FUT8: variants seen among roughly 807,000 people sequenced by gnomAD.
FUT8 encodes alpha-(1,6)-fucosyltransferase.
Under a neutral mutation model 71.3 loss-of-function variants are expected in FUT8, and 29 were observed. The observed-to-expected ratio is 0.41, with a 90% CI of 0.30 to 0.55. The LOEUF (loss-of-function observed/expected upper bound fraction) is 0.55, where lower values mean the gene tolerates loss of function less well. FUT8 is among the 20% of genes least tolerant of loss of function. FUT8 has a pLI of 0.34. For synonymous variants in FUT8, 254 were observed against 239.3 expected (o/e 1.06, Z -0.57); for missense variants, 544 against 702.1 (o/e 0.77, Z 2.55).
intron 7 of FUT8, among the ~76,000 whole-genome samples, chr14:65,692,367 C>A (rs1893673756): frequency 6.8e-6 from 1 of 147,306 alleles, no homozygotes. Context: ...GCTGACCCCC[C>A]CACCTCCCTC....
At chr14:65,400,582 G>T in the FUT8 span, among the ~76,000 whole-genome samples, 1 of 152,170 alleles carries the variant, frequency 6.6e-6, no homozygotes, top group East Asian at 1.9e-4. Context: ...CTGGAGATTA[G>T]CTTTCCAAAT....
intron 2 of FUT8, among the ~76,000 whole-genome samples, chr14:65,478,939 G>A (rs1021897082): frequency 6.6e-6 from 1 of 152,178 alleles, no homozygotes; most frequent in Non-Finnish European, 1.5e-5. Context: ...TCTGTTAATT[G>A]ATTGTATGAA....
chr14:65,499,027 C>G lies in FUT8; in HGVS notation c.-228+43309C>G, dbSNP rs149158362. ...GGAGGCATTGGGTAAGAACGTGTCT[C>G]CCAACATAGGATTTCAGTTACTTCC... On this transcript the variant is annotated intron_variant, in intron 2 of 10. Transcript: ENST00000673929. 1.2e-4 allele frequency among the ~76,000 whole-genome samples: 18 copies of G among 152,218 alleles called. No individual in the cohort carries two copies. In the Middle Eastern group the frequency reaches 0.01, roughly 86 times the overall value.
intron 6 of FUT8, among the ~76,000 whole-genome samples, chr14:65,645,579 G>A (rs1042589783): frequency 3.9e-5 from 6 of 152,154 alleles, no homozygotes; most frequent in African/African-American, 1.4e-4. Flanking sequence ...CATATTTGTA[G>A]TACTGCTGTA....
intron 2 of FUT8, among the ~76,000 whole-genome samples, chr14:65,558,624 ATT>A (rs1278397371): frequency 2.0e-5 from 3 of 152,184 alleles, no homozygotes; most frequent in Admixed American, 1.3e-4. Flanking sequence ...TGGCGTTTGT[ATT>A]TTAGCAAGCA....
At chr14:65,577,662 T>C (rs1000549063) in intron 3 of FUT8, among the ~76,000 whole-genome samples, 3 of 152,134 alleles carry the variant, frequency 2.0e-5, no homozygotes, top group Admixed American at 2.0e-4. Context: ...ATGAGATAAT[T>C]TGGAAAACTT....
chr14:65,565,459 A>G (rs2140058912), intron 3 of FUT8, among the ~76,000 whole-genome samples: 1 of 151,972 alleles, frequency 6.6e-6, no homozygotes, highest in East Asian at 1.9e-4. Context: ...GAACAAAGTC[A>G]CTATTAACCT....
intron 3 of FUT8, among the ~76,000 whole-genome samples, chr14:65,586,468 T>C (rs990638205): frequency 6.6e-6 from 1 of 152,208 alleles, no homozygotes; most frequent in Non-Finnish European, 1.5e-5. Context: ...AAAGATAAAT[T>C]GATAAAATTG....
chr14:65,616,074 C>T lies in FUT8; in HGVS notation c.300C>T (p.Tyr100=), dbSNP rs771271627. Reference sequence around the variant, plus strand: ...AGGCCAAAGAACAGATTGAAAATTACAAGAAACAGACCAGAAATGGTAGGT... The same window carrying T: ...AGGCCAAAGAACAGATTGAAAATTATAAGAAACAGACCAGAAATGGTAGGT... ...LVKAKEQIEN[Y]KKQTRNGLGK... is the part of the protein sequence containing the mutation. Residue 100 remains tyrosine (Y), a synonymous_variant, in exon 4 of 11, where the codon TAC becomes TAT. Transcript: ENST00000673929. 2 of 1,613,780 alleles carry T rather than the reference C, an allele frequency of 1.2e-6. No homozygotes were observed. The highest frequency in any genetic ancestry group is 1.1e-5 in the South Asian group (1 of 91,062).
At chr14:65,463,556 C>T (rs1331494942) in intron 2 of FUT8, among the ~76,000 whole-genome samples, 6 of 152,210 alleles carry the variant, frequency 3.9e-5, no homozygotes, top group Admixed American at 2.0e-4. Context: ...AGTCAGCCAC[C>T]GTGCCTGGCT....
chr14:65,409,600 G>A (rs751216197), upstream of FUT8, among the ~76,000 whole-genome samples: 142 of 152,274 alleles, frequency 9.3e-4, no homozygotes, highest in Admixed American at 2.7e-3. The surrounding 1 kb of genome is among the most constrained non-coding windows in gnomAD (Gnocchi z 5.4). Context: ...TAGCATTCAC[G>A]TTCATTAACT....
At chr14:65,741,472 C>T (rs1332494244) in intron 10 of FUT8, among the ~76,000 whole-genome samples, 3 of 152,002 alleles carry the variant, frequency 2.0e-5, no homozygotes, top group East Asian at 1.9e-4. Flanking sequence ...TGTTAAATGA[C>T]GAGTTACTGG....
intron 2 of FUT8, among the ~76,000 whole-genome samples, chr14:65,540,804 G>A (rs563172271): frequency 1.1e-3 from 172 of 152,320 alleles, no homozygotes; most frequent in African/African-American, 3.8e-3. Flanking sequence ...GAAGTGAGAA[G>A]ATTGTAGATC....
chr14:65,473,237 A>G (rs1394729455), intron 2 of FUT8, among the ~76,000 whole-genome samples: 1 of 152,098 alleles, frequency 6.6e-6, no homozygotes, highest in Non-Finnish European at 1.5e-5. Flanking sequence ...CTGATAGTTT[A>G]TTGTACGTAT....
intron 6 of FUT8, among the ~76,000 whole-genome samples, chr14:65,637,773 G>C (rs930053135): frequency 3.3e-5 from 5 of 151,996 alleles, no homozygotes; most frequent in African/African-American, 1.2e-4. Context: ...CAAACAGAGG[G>C]GCCCTGAAAG....
intron 2 of FUT8, among the ~76,000 whole-genome samples, chr14:65,476,105 AAG>A (rs1491563659): frequency 1.3e-5 from 2 of 152,126 alleles, no homozygotes; most frequent in East Asian, 3.8e-4. Context: ...GAGATGAGAT[AAG>A]AGAGCACCTA....
intron 3 of FUT8, among the ~76,000 whole-genome samples, chr14:65,581,506 T>G (rs1887086316): frequency 6.6e-6 from 1 of 152,126 alleles, no homozygotes; most frequent in Non-Finnish European, 1.5e-5. Context: ...TATTTATTCA[T>G]TTTAGGATAC....
chr14:65,662,949 T>C (rs1892039495), intron 6 of FUT8, among the ~76,000 whole-genome samples: 1 of 152,216 alleles, frequency 6.6e-6, no homozygotes. Context: ...TTATCATTAT[T>C]GCAAGGAGCT....
chr14:65,598,584 T>C (rs1265695644), intron 3 of FUT8, among the ~76,000 whole-genome samples: 11 of 152,188 alleles, frequency 7.2e-5, no homozygotes, highest in Admixed American at 7.2e-4. Context: ...TGTATACATC[T>C]ATTTACTAAT....
Sources: gnomAD v4.1 joint callset for allele counts (sites outside exome capture counted in the v4.1 genomes callset) on GRCh38, gnomAD v4.1.1 for gene constraint, Gnocchi (gnomAD v3.1) non-coding constraint, MANE v1.5 for transcripts, NCBI Gene and HGNC (gene_info 2026-07-23, HGNC 2026-07-21) for gene names.